ZFHX3: variants seen among roughly 807,000 people sequenced by gnomAD.
ZFHX3 encodes the protein zinc finger homeobox protein 3.
A neutral mutation model predicts 279.1 loss-of-function variants in ZFHX3; 42 were observed. The ratio of observed to expected loss-of-function variants is 0.15; its 90% confidence interval spans 0.12 to 0.19. The LOEUF is 0.19. Ranked by LOEUF, ZFHX3 falls within the 10% of genes least tolerant of loss-of-function variation. ZFHX3 has a pLI of 1.00. For missense variants in ZFHX3, 4,981 were observed against 4,754.0 expected (o/e 1.05, Z -1.40); for synonymous variants, 2,293 against 1,957.8 (o/e 1.17, Z -4.52).
At chr16:73,385,893 A>T (rs2016893018) in intron 3 of ZFHX3, among the ~76,000 whole-genome samples, 1 of 151,930 alleles carries the variant, frequency 6.6e-6, no homozygotes, top group East Asian at 1.9e-4. Flanking sequence ...TATGATAAGG[A>T]TGTTCCTGTG....
intron 1 of ZFHX3, among the ~76,000 whole-genome samples, chr16:73,739,610 G>A (rs2053636831): frequency 6.6e-6 from 1 of 152,188 alleles, no homozygotes; most frequent in South Asian, 2.1e-4. Context: ...GCCAGGGAAT[G>A]AAGGGACTGT....
upstream of ZFHX3, among the ~76,000 whole-genome samples, chr16:73,050,027 G>T (rs542470533): frequency 6.6e-6 from 1 of 152,198 alleles, no homozygotes; most frequent in Admixed American, 6.5e-5. Context: ...TCCTTACCTG[G>T]GATAGGTAAG....
At chr16:72,881,927 C>T (rs552548898) in intron 4 of ZFHX3, among the ~76,000 whole-genome samples, 159 of 152,246 alleles carry the variant, frequency 1.0e-3, no homozygotes, top group African/African-American at 3.5e-3. Context: ...ATACACCTTT[C>T]GAAGGTGACT....
chr16:73,334,804 CTCAT>C (rs2015877051), intron 3 of ZFHX3, among the ~76,000 whole-genome samples: 1 of 84,408 alleles, frequency 1.2e-5, no homozygotes, highest in Non-Finnish European at 2.4e-5. Context: ...CCTTTTCTTT[CTCAT>C]TCTTTTTTTT....
At chr16:73,872,131 C>T (rs2029863383) in intron 1 of ZFHX3, among the ~76,000 whole-genome samples, 1 of 152,198 alleles carries the variant, frequency 6.6e-6, no homozygotes, top group Non-Finnish European at 1.5e-5. Flanking sequence ...AGCCAATAGG[C>T]ATTCCGCAAT....
Position 72,928,446 on chromosome 16 carries a change from C to T in ZFHX3, c.3216+22023G>A, listed in dbSNP as rs1053761433. Among the ~76,000 whole-genome samples the T allele has an allele frequency of 2.6e-5, 4 of 151,988 alleles. No individual in the cohort carries two copies. In the South Asian group the frequency reaches 8.3e-4, roughly 32 times the overall value. Reference sequence around the variant, plus strand: ...AGCGCCCCCACCACAACCCCTCGGCCCAAGTCTTGGTTTCCTGGCTGTTCT... The same window carrying T: ...AGCGCCCCCACCACAACCCCTCGGCTCAAGTCTTGGTTTCCTGGCTGTTCT... On this transcript the variant is annotated intron_variant, in intron 3 of 9. Coordinates refer to ENST00000268489, the MANE Select transcript of ZFHX3 (RefSeq NM_006885.4).
At chr16:73,262,178 G>C (rs1452743537) in intron 4 of ZFHX3, among the ~76,000 whole-genome samples, 1 of 152,238 alleles carries the variant, frequency 6.6e-6, no homozygotes, top group Non-Finnish European at 1.5e-5. Context: ...ATGAAAGAAT[G>C]AATGGATGGA....
intron 4 of ZFHX3, among the ~76,000 whole-genome samples, chr16:72,862,872 G>C (rs561309913): frequency 6.6e-6 from 1 of 152,254 alleles, no homozygotes; most frequent in South Asian, 2.1e-4. Context: ...TACAGGTAAA[G>C]AGACTTTAGA....
At chr16:73,044,380 G>A (rs1220053843) in intron 1 of ZFHX3, among the ~76,000 whole-genome samples, 1 of 152,154 alleles carries the variant, frequency 6.6e-6, no homozygotes, top group African/African-American at 2.4e-5. Context: ...AAATAGGCCA[G>A]GCTAACAGCA....
intron 2 of ZFHX3, among the ~76,000 whole-genome samples, chr16:73,595,593 G>A (rs889761409): frequency 1.3e-5 from 2 of 152,132 alleles, no homozygotes; most frequent in Non-Finnish European, 2.9e-5. Context: ...CTCTCTGGGT[G>A]TGATACATCT....
rs775029599 is a variant in ZFHX3 at position 73,657,779 on chromosome 16, C to A, written c.-1547+22401G>T. Among the ~76,000 whole-genome samples, 67 of 152,120 alleles carry A rather than the reference C, an allele frequency of 4.4e-4. 1 individual carries two copies. Among genetic ancestry groups the A allele is most frequent in the Non-Finnish European group, 1.8e-4 (12 of 68,034 alleles). ...TCATCCATGTTGCATGTGTCAGTAC[C>A]TCATTTCTTTCTATGGCTGAATAGT... is the stretch of plus-strand genomic sequence containing the variant. On this transcript the variant is annotated intron_variant, in intron 2 of 17. Transcript: ENST00000641206.
intron 2 of ZFHX3, among the ~76,000 whole-genome samples, chr16:73,515,902 G>A (rs2019513047): frequency 2.6e-5 from 4 of 152,216 alleles, no homozygotes; most frequent in South Asian, 4.1e-4. Flanking sequence ...ATGATGTAGA[G>A]TCAGTCAAGA....
upstream of ZFHX3, among the ~76,000 whole-genome samples, chr16:73,048,896 A>T (rs1403175965): frequency 6.6e-6 from 1 of 152,240 alleles, no homozygotes; most frequent in Non-Finnish European, 1.5e-5. Context: ...AAGTGGGAAG[A>T]AAAGGAGATG....
At chr16:73,286,274 G>A (rs938830836) in intron 4 of ZFHX3, among the ~76,000 whole-genome samples, 1 of 152,162 alleles carries the variant, frequency 6.6e-6, no homozygotes, top group African/African-American at 2.4e-5. Context: ...GGAAAGCTCT[G>A]TTAGGAATAA....
chr16:73,314,540 G>A (rs116693857), intron 4 of ZFHX3, among the ~76,000 whole-genome samples: 2,508 of 152,258 alleles, frequency 0.016, 70 homozygotes, highest in African/African-American at 0.057. Context: ...TCTGTAGTCC[G>A]TGCTCCTACA....
intron 4 of ZFHX3, among the ~76,000 whole-genome samples, chr16:72,878,545 C>T (rs538254602): frequency 7.9e-5 from 12 of 152,376 alleles, no homozygotes; most frequent in African/African-American, 1.2e-4. Flanking sequence ...ACCCGAGGCA[C>T]GCGCTCTGGA....
At chr16:72,949,356 A>C (rs1319219588) in intron 3 of ZFHX3, among the ~76,000 whole-genome samples, 3 of 152,192 alleles carry the variant, frequency 2.0e-5, no homozygotes, top group African/African-American at 7.2e-5. Flanking sequence ...AAATGAAAAG[A>C]GAGAGCGAGG....
intron 3 of ZFHX3, among the ~76,000 whole-genome samples, chr16:73,348,765 A>G (rs2016168035): frequency 6.6e-6 from 1 of 152,210 alleles, no homozygotes; most frequent in South Asian, 2.1e-4. Flanking sequence ...AAGACGGGAA[A>G]GTTCCTTGTG....
chr16:73,707,964 G>A lies in ZFHX3; in HGVS notation c.-1607-27724C>T, dbSNP rs549026089. ...AACTTTTTATATTATAGAAAAAAAT[G>A]GTCTGAAACAACTGTGGCAAAATAT... On this transcript the variant is annotated intron_variant, in intron 1 of 17. Coordinates refer to the ZFHX3 transcript ENST00000641206. Among the ~76,000 whole-genome samples, 4 of 152,072 alleles carry A rather than the reference G, an allele frequency of 2.6e-5. No individual in the cohort carries two copies. The South Asian group carries it at 8.3e-4, about 32-fold the overall frequency.
Sources: allele counts gnomAD v4.1 joint callset (sites outside exome capture counted in the v4.1 genomes callset), GRCh38; gene constraint gnomAD v4.1.1; transcripts MANE v1.5; gene names NCBI Gene and HGNC (gene_info 2026-07-23, HGNC 2026-07-21).